IARS1: variants seen among roughly 807,000 people sequenced by gnomAD.
IARS1 encodes isoleucyl-tRNA synthetase 1, also known as isoleucine--tRNA ligase, cytoplasmic.
In IARS1, 124 loss-of-function variants were observed where a neutral mutation model predicts 168.2. The ratio of observed to expected loss-of-function variants is 0.74; its 90% CI spans 0.64 to 0.86. The LOEUF (loss-of-function observed/expected upper bound fraction) is 0.86, where lower values mean the gene tolerates loss of function less well. IARS1 is among the 40% of genes least tolerant of loss of function. The probability of loss-of-function intolerance (pLI) is 0.00; values close to 1 mark genes in which losing one functional copy is unlikely to be tolerated. For synonymous variants in IARS1, 532 were observed against 529.4 expected, an observed-to-expected ratio of 1.00 and a Z score of -0.07; for missense variants, 1,452 against 1,515.8, an observed-to-expected ratio of 0.96 and a Z score of 0.70.
In IARS1 at chr9:92,288,972, G is replaced by T. The variant is rs148539377; in HGVS notation, c.119+329C>A. On this transcript the variant is annotated intron_variant, in intron 2 of 33. Coordinates refer to ENST00000443024, the MANE Select transcript of IARS1 (RefSeq NM_002161.6). ...ACTTGTAATCCCAGCACTTTGAGAG[G>T]CCGAGGTGGGTGGATCACTTGAGGT... Among the ~76,000 whole-genome samples the T allele has an allele frequency of 5.9e-5, 9 of 152,136 alleles. 1 individual carries two copies. In the East Asian group the frequency reaches 1.4e-3, roughly 23 times the overall value.
intron 33 of IARS1, among the ~76,000 whole-genome samples, chr9:92,216,265 G>A (rs1203226001): frequency 1.3e-5 from 2 of 149,718 alleles, no homozygotes; most frequent in East Asian, 3.9e-4. Context: ...AAGAGCTCCT[G>A]AAGGAAGCGC....
chr9:92,224,675 A>T (rs552744927), intron 31 of IARS1, among the ~76,000 whole-genome samples: 1 of 152,076 alleles, frequency 6.6e-6, no homozygotes, highest in Non-Finnish European at 1.5e-5. Context: ...TCTACAAAAA[A>T]GAAAAGAATT....
rs1837598236 is a variant in IARS1 at position 92,210,674 on chromosome 9, T to C, written c.*133A>G. 2 of 613,506 alleles carry C rather than the reference T, an allele frequency of 3.3e-6. No individual in the cohort carries two copies. Among genetic ancestry groups the C allele is most frequent in the Non-Finnish European group, 6.0e-6 (2 of 334,986 alleles). 38.0% of individuals were successfully genotyped at this position (613,506 alleles called of 1,614,324 possible). Reference sequence around the variant, plus strand: ...CTAATCAATCCCATTTGAATTTCAATCCAAGCAGCATATTTTACACACACC... The same window carrying C: ...CTAATCAATCCCATTTGAATTTCAACCCAAGCAGCATATTTTACACACACC... On this transcript the variant is annotated 3_prime_UTR_variant, in exon 34 of 34. Coordinates refer to ENST00000443024, the MANE Select transcript of IARS1 (RefSeq NM_002161.6).
chr9:92,259,690 T>C (rs1831238511), intron 18 of IARS1, among the ~76,000 whole-genome samples: 1 of 152,234 alleles, frequency 6.6e-6, no homozygotes. Flanking sequence ...TGTGGTTTCA[T>C]GATTACAGCT....
chr9:92,269,814 G>A (rs1395500986), intron 13 of IARS1, 71 bp downstream of exon 13: 16 of 969,554 alleles, frequency 1.7e-5, no homozygotes, highest in Admixed American at 3.5e-5. Context: ...TTATAACTTG[G>A]GGGAAGTGTA....
chr9:92,240,636 C>A (rs1472790431), intron 30 of IARS1: 1 of 715,330 alleles, frequency 1.4e-6, no homozygotes, highest in Non-Finnish European at 2.6e-6. Flanking sequence ...TCAAGCAATC[C>A]TCTCACCTTG....
At chr9:92,213,205 TG>T (rs1019526709) in intron 33 of IARS1, among the ~76,000 whole-genome samples, 4 of 151,874 alleles carry the variant, frequency 2.6e-5, no homozygotes, top group African/African-American at 9.7e-5. Flanking sequence ...TGGGGTCTGG[TG>T]GCTTAATGCT....
intron 17 of IARS1, among the ~76,000 whole-genome samples, 178 bp from the exon 18 acceptor site, chr9:92,260,412 T>C (rs1831357388): frequency 6.6e-6 from 1 of 152,038 alleles, no homozygotes; most frequent in Non-Finnish European, 1.5e-5. Flanking sequence ...TCCCAGCACT[T>C]TGGGAGGCTG....
Position 92,285,774 on chromosome 9 carries a change from G to C in IARS1, c.545C>G (p.Ser182Cys). 1 of 1,613,570 alleles carries C rather than the reference G, an allele frequency of 6.2e-7. No individual in the cohort carries two copies. The highest frequency in any genetic ancestry group is 1.1e-5 in the South Asian group (1 of 91,060). The change falls in exon 6 of 34, where the codon TCT (serine) becomes TGT (cysteine). Residue 182 changes from serine (S) to cysteine (C), a missense_variant. Coordinates refer to ENST00000443024, the MANE Select transcript of IARS1 (RefSeq NM_002161.6). ...GGAAAGTGGAGTGTTACATGCCGTAGAGAAGGGCATGACTTTCACACCTCT... is the reference window on the plus strand; with the variant it reads ...GGAAAGTGGAGTGTTACATGCCGTACAGAAGGGCATGACTTTCACACCTCT... ...VYRGVKVMPFSTACNTPLSNF... is the reference protein window; with the variant it reads ...VYRGVKVMPFCTACNTPLSNF...
intron 30 of IARS1, among the ~76,000 whole-genome samples, chr9:92,239,785 G>T (rs1373432748): frequency 6.6e-6 from 1 of 152,114 alleles, no homozygotes; most frequent in Non-Finnish European, 1.5e-5. Flanking sequence ...CAGGGGAGGG[G>T]TCTTCAGCTT....
chr9:92,274,681 T>C (rs1355125703), intron 9 of IARS1, among the ~76,000 whole-genome samples, 160 bp from the exon 10 acceptor site: 1 of 152,240 alleles, frequency 6.6e-6, no homozygotes, highest in Non-Finnish European at 1.5e-5. Context: ...AGAAACATGC[T>C]AATTCAATAC....
chr9:92,260,827 T>C (rs1226447027), intron 17 of IARS1, among the ~76,000 whole-genome samples: 5 of 152,252 alleles, frequency 3.3e-5, no homozygotes, highest in African/African-American at 1.2e-4. Flanking sequence ...CATAAAAACC[T>C]ATTATCAATT....
intron 18 of IARS1, among the ~76,000 whole-genome samples, chr9:92,259,404 G>A (rs1432428295): frequency 2.6e-5 from 4 of 152,190 alleles, no homozygotes; most frequent in African/African-American, 7.2e-5. Flanking sequence ...AGCCTTCACA[G>A]AGCAGAGTCT....
intron 30 of IARS1, among the ~76,000 whole-genome samples, chr9:92,229,442 T>C (rs1033116241): frequency 1.3e-5 from 2 of 151,884 alleles, no homozygotes; most frequent in Admixed American, 6.6e-5. Flanking sequence ...GGTCCAGGCA[T>C]AGAACTCTAC....
intron 32 of IARS1, 96 bp downstream of exon 32, chr9:92,223,250 C>A: frequency 1.6e-6 from 2 of 1,216,848 alleles, no homozygotes; most frequent in Non-Finnish European, 2.2e-6. Flanking sequence ...TAAAGCAATA[C>A]TTTGAAGCCG....
chr9:92,213,044 A>G (rs1353869078), intron 33 of IARS1, among the ~76,000 whole-genome samples: 3 of 152,154 alleles, frequency 2.0e-5, no homozygotes, highest in Non-Finnish European at 4.4e-5. Flanking sequence ...AAACCCAGGG[A>G]GGGAAGGAGG....
intron 33 of IARS1, among the ~76,000 whole-genome samples, chr9:92,220,325 A>C (rs1049330174): frequency 6.9e-6 from 1 of 145,512 alleles, no homozygotes; most frequent in Non-Finnish European, 1.5e-5. Flanking sequence ...CTAGATGACG[A>C]GTTAGTGGGT....
chr9:92,289,356 A>C lies in IARS1; in HGVS notation c.64T>G (p.Trp22Gly), dbSNP rs1437510069. ...PAEEEKILEF[W>G]TEFNCFQECL... ...TCCTGAAAACAATTAAATTCAGTCCAAAACTCCAAGATTTTCTCTTCTTCA... is the reference window on the plus strand; with the variant it reads ...TCCTGAAAACAATTAAATTCAGTCCCAAACTCCAAGATTTTCTCTTCTTCA... The change falls in exon 2 of 34, where the codon TGG (tryptophan) becomes GGG (glycine). Residue 22 changes from tryptophan to glycine, a missense_variant. Trp to Gly is a radical substitution (Grantham distance 184). Coordinates refer to ENST00000443024, the MANE Select transcript of IARS1 (RefSeq NM_002161.6). The C allele has an allele frequency of 1.3e-6, 2 of 1,597,332 alleles. No homozygotes were observed. Among genetic ancestry groups the C allele is most frequent in the Non-Finnish European group, 1.7e-6 (2 of 1,166,424 alleles).
At chr9:92,285,943 G>A in intron 5 of IARS1, 104 bp from the exon 6 acceptor site, 7 of 676,580 alleles carry the variant, frequency 1.0e-5, no homozygotes, top group African/African-American at 3.6e-5. Flanking sequence ...CCAAATAAGT[G>A]AAAAAACAAT....
Sources: gnomAD v4.1 joint callset for allele counts (sites outside exome capture counted in the v4.1 genomes callset) on GRCh38, gnomAD v4.1.1 for gene constraint, MANE v1.5 for transcripts, NCBI Gene and HGNC (gene_info 2026-07-23, HGNC 2026-07-21) for gene names.